Variants in TRIM10 observed in about 807,000 individuals in gnomAD.
TRIM10 encodes tripartite motif-containing protein 10.
A neutral mutation model predicts 40.0 loss-of-function variants in TRIM10; 42 were observed. The observed-to-expected ratio is 1.05, with a 90% CI of 0.82 to 1.36. TRIM10 has a LOEUF of 1.36. Among genes scored for constraint, TRIM10 ranks in the 40% most tolerant of loss-of-function variants. The pLI, the probability that TRIM10 is intolerant of heterozygous loss-of-function variation, is 0.00. For synonymous variants in TRIM10, 260 were observed against 239.5 expected (o/e 1.09, Z -0.79); for missense variants, 601 against 608.3 (o/e 0.99, Z 0.13).
chr6:30,158,347 G>T, intron 3 of TRIM10, 52 bp downstream of exon 3: 1 of 1,476,238 alleles, frequency 6.8e-7, no homozygotes, highest in Non-Finnish European at 9.5e-7. Flanking sequence ...AGACAAAGAT[G>T]CAAGAGTCAC....
At chr6:30,157,990 C>T (rs1157200808) in intron 3 of TRIM10, among the ~76,000 whole-genome samples, 6 of 152,130 alleles carry the variant, frequency 3.9e-5, no homozygotes, top group African/African-American at 1.4e-4. Context: ...ACCCCAATAC[C>T]TCTCCTCCAG....
chr6:30,160,378 T>C, intron 1 of TRIM10, 52 bp downstream of exon 1: 6 of 1,559,016 alleles, frequency 3.8e-6, no homozygotes, highest in Non-Finnish European at 3.5e-6. Flanking sequence ...CTCTGCTGTT[T>C]CTCTTAGTCC....
Position 30,158,503 on chromosome 6 carries a change from G to C in TRIM10, c.652C>G (p.Arg218Gly). 1 of 1,613,016 alleles carries C rather than the reference G, an allele frequency of 6.2e-7. No individual in the cohort carries two copies. The highest frequency in any genetic ancestry group is 1.1e-5 in the South Asian group (1 of 91,078). ...ESQDGDILRQ[R>G]DEFDLLVAGE... is the part of the protein sequence containing the mutation. ...GCAACCAGCAAATCAAATTCATCCC[G>C]TTGCCTCAAGATGTCCCCATCCTGG... Residue 218 changes from arginine (R) to glycine (G), a missense_variant, in exon 3 of 7, where the codon CGG becomes GGG. Arg to Gly is a moderately radical substitution (Grantham distance 125, BLOSUM62 -2). Coordinates refer to ENST00000449742, the MANE Select transcript of TRIM10 (RefSeq NM_006778.4).
At position 30,154,276 on chromosome 6, in the gene TRIM10, G is replaced by A. The variant is rs143562576; in HGVS notation, c.1139C>T (p.Thr380Ile). 10 of 1,612,662 alleles carry A rather than the reference G, an allele frequency of 6.2e-6. No homozygotes were observed. The highest frequency in any genetic ancestry group is 1.3e-5 in the African/African-American group (1 of 74,932). ...SIDLAHGGSC[T>I]VGVVSEDVQR... ...CACATCCTCGCTCACCACGCCCACG[G>A]TGCAGCTGCCCCCATGGGCCAGGTC... is the stretch of plus-strand genomic sequence containing the variant. Residue 380 changes from threonine to isoleucine, a missense_variant, in exon 7 of 7, where the codon ACC (threonine) becomes ATC (isoleucine). By Grantham distance (89) the Thr-to-Ile change is moderately conservative. Transcript: ENST00000449742.
In TRIM10 at chr6:30,153,436, T is replaced by C; in HGVS notation, c.*533A>G. The C allele has an allele frequency of 3.9e-6, 2 of 510,558 alleles. No individual in the cohort carries two copies. The highest frequency in any genetic ancestry group is 5.6e-5 in the South Asian group (2 of 35,884). 31.6% of individuals were successfully genotyped at this position (510,558 alleles called of 1,614,324 possible). A position where few individuals can be genotyped will look rare whatever the true frequency, so the allele number is the denominator to read the frequency against. On this transcript the variant is annotated 3_prime_UTR_variant, in exon 7 of 7. Coordinates refer to ENST00000449742, the MANE Select transcript of TRIM10 (RefSeq NM_006778.4). Reference sequence around the variant, plus strand: ...ATTTCCTCTTTATGTTTCTCTGTCTTCCCAAGAGCTCTTTCAGATATAGAG... The same window carrying C: ...ATTTCCTCTTTATGTTTCTCTGTCTCCCCAAGAGCTCTTTCAGATATAGAG...
chr6:30,154,175 C>T lies in TRIM10; in HGVS notation c.1240G>A (p.Ala414Thr), dbSNP rs1772285457. ...AGCCGTGTGGGGAAGGAGCCCAGAGCCGAGACGAAGCCCCAAGCCAGCCTC... is the reference window on the plus strand; with the variant it reads ...AGCCGTGTGGGGAAGGAGCCCAGAGTCGAGACGAAGCCCCAAGCCAGCCTC... ...AVRLAWGFVS[A>T]LGSFPTRLTL... Residue 414 changes from alanine to threonine, a missense_variant, in exon 7 of 7, where the codon GCT (alanine) becomes ACT (threonine). Physicochemically the swap from Ala to Thr is moderately conservative, Grantham distance 58. Coordinates refer to ENST00000449742, the MANE Select transcript of TRIM10 (RefSeq NM_006778.4). 1.2e-6 allele frequency: 2 copies of T among 1,612,124 alleles called. No homozygotes were observed. Among genetic ancestry groups the T allele is most frequent in the South Asian group, 2.2e-5 (2 of 91,050 alleles).
Position 30,154,359 on chromosome 6 carries a change from G to C in TRIM10, c.1056C>G (p.Thr352=), listed in dbSNP as rs775235368. The change falls in exon 7 of 7, where the codon ACC becomes ACG. Residue 352 remains threonine, a synonymous_variant. Coordinates refer to ENST00000449742, the MANE Select transcript of TRIM10 (RefSeq NM_006778.4). ...PDNPQRFDRA[T]CVLAHTGITG... Reference sequence around the variant, plus strand: ...TGATGCCAGTGTGGGCCAGAACACAGGTGGCCCGGTCAAAACGTTGGGGGT... The same window carrying C: ...TGATGCCAGTGTGGGCCAGAACACACGTGGCCCGGTCAAAACGTTGGGGGT... 6.2e-7 allele frequency: 1 copy of C among 1,613,094 alleles called. No homozygotes were observed. The highest frequency in any genetic ancestry group is 8.5e-7 in the Non-Finnish European group (1 of 1,180,030).
In TRIM10 at chr6:30,153,568, C is replaced by A; in HGVS notation, c.*401G>T. 1.1e-6 allele frequency: 1 copy of A among 889,790 alleles called. No homozygotes were observed. Among genetic ancestry groups the A allele is most frequent in the Non-Finnish European group, 1.8e-6 (1 of 562,674 alleles). The allele number at this position is 889,790 out of a possible 1,614,324, so 55.1% of individuals were successfully genotyped here. A position where few individuals can be genotyped will look rare whatever the true frequency, so the allele number is the denominator to read the frequency against. On this transcript the variant is annotated 3_prime_UTR_variant, in exon 7 of 7. Transcript: ENST00000449742. ...TCTAGAGAATGTGATTACATGAACT[C>A]TAACATTATTGGAAGAAAACAAGAT...
At position 30,154,211 on chromosome 6, in the gene TRIM10, C is replaced by G; in HGVS notation, c.1204G>C (p.Val402Leu). The change falls in exon 7 of 7, where the codon GTG becomes CTG. Residue 402 changes from valine (V) to leucine (L), a missense_variant. Transcript: ENST00000449742. Reference sequence around the variant, plus strand: ...CCCCAAGCCAGCCTCACAGCCCACACCCCCTCCTCTGGCCGCAGCCGAAGC... The same window carrying G: ...CCCCAAGCCAGCCTCACAGCCCACAGCCCCTCCTCTGGCCGCAGCCGAAGC... ...GELRLRPEEG[V>L]WAVRLAWGFV... The G allele has an allele frequency of 6.2e-7, 1 of 1,612,740 alleles. No homozygotes were observed. Among genetic ancestry groups the G allele is most frequent in the Non-Finnish European group, 8.5e-7 (1 of 1,179,854 alleles).
Position 30,152,251 on chromosome 6 carries a change from TCCCGAGCTGCAAGC to T in TRIM10, c.*1704_*1717del, listed in dbSNP as rs1207513069. On this transcript the variant is annotated 3_prime_UTR_variant, in exon 7 of 7. Coordinates refer to ENST00000449742, the MANE Select transcript of TRIM10 (RefSeq NM_006778.4). ...TAAAGTGACACAAGGTGTGTAAAGC[TCCCGAGCTGCAAGC>T]CAGGATCTTCATACACATACATTTT... The T allele has an allele frequency of 6.6e-6, 1 of 152,046 alleles. No homozygotes were observed. Among genetic ancestry groups the T allele is most frequent in the East Asian group, 1.9e-4 (1 of 5,186 alleles). 9.4% of individuals were successfully genotyped at this position (152,046 alleles called of 1,614,324 possible).
chr6:30,161,918 T>C (rs376786063), upstream of TRIM10, among the ~76,000 whole-genome samples: 2 of 152,256 alleles, frequency 1.3e-5, no homozygotes, highest in Non-Finnish European at 2.9e-5. Context: ...TTTCAATATG[T>C]GATCCATATA....
intron 3 of TRIM10, 95 bp from the exon 4 acceptor site, chr6:30,157,486 T>G (rs1772656389): frequency 7.5e-7 from 1 of 1,336,534 alleles, no homozygotes; most frequent in Non-Finnish European, 1.0e-6. Context: ...TATTTTTTAT[T>G]TGCTTGTTTG....
At chr6:30,154,534 C>T in intron 6 of TRIM10, 48 bp from the exon 7 acceptor site, 1 of 1,594,078 alleles carries the variant, frequency 6.3e-7, no homozygotes, top group Middle Eastern at 1.8e-4. Flanking sequence ...ATGCTATTAC[C>T]TCCAAGGAAG....
upstream of TRIM10, chr6:30,163,873 G>T (rs767634771): frequency 1.8e-5 from 29 of 1,612,902 alleles, no homozygotes; most frequent in Non-Finnish European, 2.5e-5. Context: ...GCCAAGAGGA[G>T]GAGCAGGCAG....
chr6:30,156,991 C>A lies in TRIM10; in HGVS notation c.843G>T (p.Arg281=), dbSNP rs372163502. Residue 281 remains arginine, a synonymous_variant, in exon 5 of 7, where the codon CGG becomes CGT. Transcript: ENST00000449742. Reference sequence around the variant, plus strand: ...GCGGGAGGGCCTGCTGGGGAAAGTCCCGAATCCTCTGGCCCAGCTCTGGCG... The same window carrying A: ...GCGGGAGGGCCTGCTGGGGAAAGTCACGAATCCTCTGGCCCAGCTCTGGCG... ...AVSPELGQRI[R]DFPQQALPLQ... 9 of 1,612,980 alleles carry A rather than the reference C, an allele frequency of 5.6e-6. No homozygotes were observed. The African/African-American group carries it at 1.2e-4, about 22-fold the overall frequency.
At chr6:30,163,824 G>C (rs760831719), upstream of TRIM10, 32 of 1,612,890 alleles carry the variant, frequency 2.0e-5, no homozygotes, top group Non-Finnish European at 2.5e-5. Flanking sequence ...TCCCAGATGG[G>C]GGCCCAATCC....
At position 30,153,757 on chromosome 6, in the gene TRIM10, T is replaced by C. The variant is rs1772235176; in HGVS notation, c.*212A>G. 1 of 1,612,930 alleles carries C rather than the reference T, an allele frequency of 6.2e-7. No homozygotes were observed. The highest frequency in any genetic ancestry group is 1.7e-5 in the Admixed American group (1 of 59,998). ...ACTGGCAGCAGCCTGAGTCCCCAGG[T>C]ACCCTGGCCATCCACTGGGCATTGG... On this transcript the variant is annotated 3_prime_UTR_variant, in exon 7 of 7. Coordinates refer to ENST00000449742, the MANE Select transcript of TRIM10 (RefSeq NM_006778.4).
At chr6:30,155,989 C>T (rs1489058704) in intron 5 of TRIM10, among the ~76,000 whole-genome samples, 1 of 152,200 alleles carries the variant, frequency 6.6e-6, no homozygotes, top group African/African-American at 2.4e-5. Flanking sequence ...ATCTGTATTT[C>T]TAACAATTTC....
At chr6:30,155,138 T>C (rs1236246197) in intron 6 of TRIM10, among the ~76,000 whole-genome samples, 3 of 152,190 alleles carry the variant, frequency 2.0e-5, no homozygotes, top group Admixed American at 6.5e-5. Flanking sequence ...TTTAGGTCCA[T>C]CTGTGGGTTA....
Sources: allele counts gnomAD v4.1 joint callset (sites outside exome capture counted in the v4.1 genomes callset), GRCh38; gene constraint gnomAD v4.1.1; transcripts MANE v1.5; gene names NCBI Gene and HGNC (gene_info 2026-07-23, HGNC 2026-07-21).